The following THBD variants were observed in gnomAD, a reference collection of about 807,000 sequenced individuals.
The protein encoded by THBD is thrombomodulin, also known as CD141 antigen.
For synonymous variants in THBD, 449 were observed against 374.2 expected (o/e 1.20, Z -2.31); for missense variants, 850 against 816.9 (o/e 1.04, Z -0.49).
Position 23,049,172 on chromosome 20 carries a change from A to G in THBD, c.333T>C (p.Val111=). Residue 111 remains valine, a synonymous_variant, in exon 1 of 1, where the codon GTT becomes GTC. Coordinates refer to ENST00000377103, the MANE Select transcript of THBD (RefSeq NM_000361.3). Reference sequence around the variant, plus strand: ...TATAGCTGGTGTTGTTGTCTCCCGTAACCCACTGGAAGCCGCGCAGGGGCC... The same window carrying G: ...TATAGCTGGTGTTGTTGTCTCCCGTGACCCACTGGAAGCCGCGCAGGGGCC... The part of the protein sequence containing the change: ...RLGPLRGFQW[V]TGDNNTSYSR... 6.3e-7 allele frequency: 1 copy of G among 1,578,000 alleles called. No individual in the cohort carries two copies. The highest frequency in any genetic ancestry group is 8.6e-7 in the Non-Finnish European group (1 of 1,162,084).
At position 23,048,863 on chromosome 20, in the gene THBD, C is replaced by T. The variant is rs951221363; in HGVS notation, c.642G>A (p.Ala214=). Residue 214 remains alanine, a synonymous_variant, in exon 1 of 1, where the codon GCG becomes GCA. Coordinates refer to ENST00000377103, the MANE Select transcript of THBD (RefSeq NM_000361.3). ...TTAGCTGTAAGCCGAGGGGAGCCAC[C>T]GCGGCGGAGCTGCCCACCGGCAGCG... is the stretch of plus-strand genomic sequence containing the variant. The part of the protein sequence containing the change: ...FQALPVGSSA[A]VAPLGLQLMC... The T allele has an allele frequency of 2.0e-6, 3 of 1,502,848 alleles. No homozygotes were observed. The highest frequency in any genetic ancestry group is 2.7e-6 in the Non-Finnish European group (3 of 1,129,968). 93.1% of individuals were successfully genotyped at this position (1,502,848 alleles called of 1,614,324 possible). A position where few individuals can be genotyped will look rare whatever the true frequency, so the allele number is the denominator to read the frequency against.
At position 23,048,517 on chromosome 20, in the gene THBD, T is replaced by G; in HGVS notation, c.988A>C (p.Ile330Leu). ...TGCGGACACGGACTGGGCTCCAGTA[T>G]GCAGTCATCCACGTCCTCGCACCGG... ...QHRCEDVDDC[I>L]LEPSPCPQRC... The change falls in exon 1 of 1, where the codon ATA becomes CTA. Residue 330 changes from isoleucine to leucine, a missense_variant. Transcript: ENST00000377103. 1 of 1,605,460 alleles carries G rather than the reference T, an allele frequency of 6.2e-7. No individual in the cohort carries two copies. The highest frequency in any genetic ancestry group is 1.1e-5 in the South Asian group (1 of 91,082).
At position 23,048,128 on chromosome 20, in the gene THBD, G is replaced by T. The variant is rs748290802; in HGVS notation, c.1377C>A (p.Pro459=). 1.2e-6 allele frequency: 2 copies of T among 1,613,626 alleles called. No individual in the cohort carries two copies. The highest frequency in any genetic ancestry group is 3.3e-5 in the Admixed American group (2 of 60,028). Residue 459 remains proline, a synonymous_variant, in exon 1 of 1, where the codon CCC becomes CCA. Coordinates refer to ENST00000377103, the MANE Select transcript of THBD (RefSeq NM_000361.3). ...GFCSGVCHNL[P]GTFECICGPD... ...GCCCGCAGATGCACTCGAAGGTACC[G>T]GGGAGGTTGTGGCACACCCCGGAGC... is the stretch of plus-strand genomic sequence containing the variant.
In THBD at chr20:23,047,596, G is replaced by T; in HGVS notation, c.*181C>A. The T allele has an allele frequency of 1.4e-6, 1 of 721,516 alleles. No individual in the cohort carries two copies. Among genetic ancestry groups the T allele is most frequent in the Non-Finnish European group, 2.2e-6 (1 of 448,254 alleles). 44.7% of individuals were successfully genotyped at this position (721,516 alleles called of 1,614,324 possible). ...CAGTGACGTCACGGAAGAGGCCGAG[G>T]CTCATTCTCCTCCCTCTAATCACCC... is the stretch of plus-strand genomic sequence containing the variant. On this transcript the variant is annotated 3_prime_UTR_variant, in exon 1 of 1. Coordinates refer to ENST00000377103, the MANE Select transcript of THBD (RefSeq NM_000361.3).
chr20:23,047,774 C>G lies in THBD; in HGVS notation c.*3G>C, dbSNP rs752959310. ...CGGAGCCAGGCTCCTGGACGGAGGC[C>G]GCTCAGAGTCTCTGCGGCGTCCGCT... On this transcript the variant is annotated 3_prime_UTR_variant, in exon 1 of 1. Transcript: ENST00000377103. The G allele has an allele frequency of 1.3e-6, 2 of 1,577,302 alleles. No homozygotes were observed. The highest frequency in any genetic ancestry group is 1.8e-5 in the Admixed American group (1 of 55,362).
rs1446510538 is a variant in THBD, at chr20:23,047,418, T to C, written c.*359A>G. The C allele has an allele frequency of 3.3e-6, 1 of 299,292 alleles. No individual in the cohort carries two copies. Among genetic ancestry groups the C allele is most frequent in the Non-Finnish European group, 6.2e-6 (1 of 160,970 alleles). 18.5% of individuals were successfully genotyped at this position (299,292 alleles called of 1,614,324 possible). A position where few individuals can be genotyped will look rare whatever the true frequency, so the allele number is the denominator to read the frequency against. On this transcript the variant is annotated 3_prime_UTR_variant, in exon 1 of 1. Transcript: ENST00000377103. ...CAAAAACCTAAATACTTAAAAAAAA[T>C]AAATATTTTAGTCATCCCTAGCCCA...
rs1179346914 is a variant in THBD, at chr20:23,049,643, G to C, written c.-139C>G. 8.3e-7 allele frequency: 1 copy of C among 1,211,256 alleles called. No individual in the cohort carries two copies. The highest frequency in any genetic ancestry group is 1.3e-5 in the South Asian group (1 of 75,344). The allele number at this position is 1,211,256 out of a possible 1,614,324, so 75.0% of individuals were successfully genotyped here. A position where few individuals can be genotyped will look rare whatever the true frequency, so the allele number is the denominator to read the frequency against. Reference sequence around the variant, plus strand: ...CAGCCCAGACACTTCTTGCCGCTGCGCGCAGCCCCTGCGAGGCAGCCTCTG... The same window carrying C: ...CAGCCCAGACACTTCTTGCCGCTGCCCGCAGCCCCTGCGAGGCAGCCTCTG... On this transcript the variant is annotated 5_prime_UTR_variant, in exon 1 of 1. Coordinates refer to ENST00000377103, the MANE Select transcript of THBD (RefSeq NM_000361.3).
chr20:23,047,734 G>A lies in THBD; in HGVS notation c.*43C>T, dbSNP rs775103380. ...TGGTAGCAAAGCTGGGGGTGAGGAG[G>A]CACAGGCTCCTGGACGGAGCCAGGC... On this transcript the variant is annotated 3_prime_UTR_variant, in exon 1 of 1. Coordinates refer to ENST00000377103, the MANE Select transcript of THBD (RefSeq NM_000361.3). 21 of 1,537,288 alleles carry A rather than the reference G, an allele frequency of 1.4e-5. No homozygotes were observed. Among genetic ancestry groups the A allele is most frequent in the Non-Finnish European group, 1.7e-5 (19 of 1,141,100 alleles).
In THBD at chr20:23,047,797, G is replaced by A; in HGVS notation, c.1708C>T (p.Arg570Trp). 6.3e-7 allele frequency: 1 copy of A among 1,591,064 alleles called. No homozygotes were observed. The highest frequency in any genetic ancestry group is 8.5e-7 in the Non-Finnish European group (1 of 1,169,786). Reference sequence around the variant, plus strand: ...GCCGCTCAGAGTCTCTGCGGCGTCCGCTCGGTCCGCACGTGCTGCAGCACT... The same window carrying A: ...GCCGCTCAGAGTCTCTGCGGCGTCCACTCGGTCCGCACGTGCTGCAGCACT... ...EVVLQHVRTE[R>W]TPQRL Residue 570 changes from arginine to tryptophan, a missense_variant, in exon 1 of 1, where the codon CGG (arginine) becomes TGG (tryptophan). By Grantham distance (101) the Arg-to-Trp change is moderately radical. Transcript: ENST00000377103.
Position 23,048,662 on chromosome 20 carries a change from G to C in THBD, c.843C>G (p.Thr281=), listed in dbSNP as rs1432196644. The C allele has an allele frequency of 1.3e-6, 2 of 1,587,684 alleles. No individual in the cohort carries two copies. Residue 281 remains threonine (T), a synonymous_variant, in exon 1 of 1, where the codon ACC becomes ACG. Coordinates refer to ENST00000377103, the MANE Select transcript of THBD (RefSeq NM_000361.3). The part of the protein sequence containing the change: ...AALQADGRSC[T]ASATQSCNDL... ...CGTTGCAGGACTGCGTCGCGGATGC[G>C]GTGCAGGAGCGCCCGTCTGCCTGCA...
In THBD at chr20:23,048,174, T is replaced by C. The variant is rs375671812; in HGVS notation, c.1331A>G (p.Glu444Gly). ...GGAGCAGAAGCCGCCGTTTTCGCAC[T>C]CGTCGATGTCCGTGCAGATGAAACC... ...DDGFICTDIDECENGGFCSGV... is the reference protein window; with the variant it reads ...DDGFICTDIDGCENGGFCSGV... Residue 444 changes from glutamate to glycine, a missense_variant, in exon 1 of 1, where the codon GAG (glutamate) becomes GGG (glycine). Coordinates refer to ENST00000377103, the MANE Select transcript of THBD (RefSeq NM_000361.3). 5.0e-6 allele frequency: 8 copies of C among 1,614,004 alleles called. No homozygotes were observed. Among genetic ancestry groups the C allele is most frequent in the Non-Finnish European group, 5.1e-6 (6 of 1,180,040 alleles).
At position 23,049,144 on chromosome 20, in the gene THBD, T is replaced by A. The variant is rs771841736; in HGVS notation, c.361A>T (p.Arg121Trp). The A allele has an allele frequency of 1.3e-6, 2 of 1,589,738 alleles. No homozygotes were observed. Among genetic ancestry groups the A allele is most frequent in the Admixed American group, 3.6e-5 (2 of 55,890 alleles). Residue 121 changes from arginine (R) to tryptophan (W), a missense_variant, in exon 1 of 1, where the codon AGG becomes TGG. Transcript: ENST00000377103. ...CCATTGAGGTCGAGCCGTGCCCACC[T>A]GCTATAGCTGGTGTTGTTGTCTCCC... ...VTGDNNTSYSRWARLDLNGAP... is the reference protein window; with the variant it reads ...VTGDNNTSYSWWARLDLNGAP...
Position 23,049,385 on chromosome 20 carries a change from C to G in THBD, c.120G>C (p.Pro40=). The change falls in exon 1 of 1, where the codon CCG becomes CCC. Residue 40 remains proline (P), a synonymous_variant. Coordinates refer to ENST00000377103, the MANE Select transcript of THBD (RefSeq NM_000361.3). The part of the protein sequence containing the change: ...CVEHDCFALY[P]GPATFLNASQ... ...TGGCATTGAGGAAGGTCGCGGGGCC[C>G]GGGTAGAGCGCGAAGCAGTCGTGCT... 1 of 1,595,530 alleles carries G rather than the reference C, an allele frequency of 6.3e-7. No homozygotes were observed. The highest frequency in any genetic ancestry group is 8.5e-7 in the Non-Finnish European group (1 of 1,171,612).
At position 23,047,800 on chromosome 20, in the gene THBD, C is replaced by T. The variant is rs865948837; in HGVS notation, c.1705G>A (p.Glu569Lys). 3.1e-6 allele frequency: 5 copies of T among 1,593,010 alleles called. No homozygotes were observed. The highest frequency in any genetic ancestry group is 4.3e-6 in the Non-Finnish European group (5 of 1,170,612). The change falls in exon 1 of 1, where the codon GAG becomes AAG. Residue 569 changes from glutamate to lysine, a missense_variant. Glu to Lys is a moderately conservative substitution (Grantham distance 56, BLOSUM62 1). Coordinates refer to ENST00000377103, the MANE Select transcript of THBD (RefSeq NM_000361.3). ...GCTCAGAGTCTCTGCGGCGTCCGCT[C>T]GGTCCGCACGTGCTGCAGCACTACC... is the stretch of plus-strand genomic sequence containing the variant. The part of the protein sequence containing the change: ...KEVVLQHVRT[E>K]RTPQRL
rs764063396 is a variant in THBD at position 23,049,155 on chromosome 20, GTGT to G, written c.347_349del (p.Asn116del). 6.3e-7 allele frequency: 1 copy of G among 1,586,194 alleles called. No individual in the cohort carries two copies. ...GAGCCGTGCCCACCTGCTATAGCTG[GTGT>G]TGTTGTCTCCCGTAACCCACTGGAA... On this transcript the variant is annotated inframe_deletion, in exon 1 of 1. Transcript: ENST00000377103.
At position 23,046,610 on chromosome 20, in the gene THBD, T is replaced by G. The variant is rs528644986; in HGVS notation, c.*1167A>C. 6.6e-6 allele frequency: 1 copy of G among 152,320 alleles called. No individual in the cohort carries two copies. The highest frequency in any genetic ancestry group is 2.4e-5 in the African/African-American group (1 of 41,560). 9.4% of individuals were successfully genotyped at this position (152,320 alleles called of 1,614,324 possible). ...ATTAAGGCTAGGCCCTAATTGGGCATCCTCCAGGATCCATTCCCAAGCTCC... is the reference window on the plus strand; with the variant it reads ...ATTAAGGCTAGGCCCTAATTGGGCAGCCTCCAGGATCCATTCCCAAGCTCC... On this transcript the variant is annotated 3_prime_UTR_variant, in exon 1 of 1. Coordinates refer to ENST00000377103, the MANE Select transcript of THBD (RefSeq NM_000361.3).
chr20:23,047,796 C>T lies in THBD; in HGVS notation c.1709G>A (p.Arg570Gln), dbSNP rs1461308245. The T allele has an allele frequency of 2.5e-6, 4 of 1,590,630 alleles. No homozygotes were observed. The East Asian group carries it at 6.9e-5, about 27-fold the overall frequency. Residue 570 changes from arginine to glutamine, a missense_variant, in exon 1 of 1, where the codon CGG becomes CAG. By Grantham distance (43) the Arg-to-Gln change is conservative. Coordinates refer to ENST00000377103, the MANE Select transcript of THBD (RefSeq NM_000361.3). ...GGCCGCTCAGAGTCTCTGCGGCGTC[C>T]GCTCGGTCCGCACGTGCTGCAGCAC... ...EVVLQHVRTE[R>Q]TPQRL
In THBD at chr20:23,048,071, G is replaced by T. The variant is rs772955456; in HGVS notation, c.1434C>A (p.Thr478=). The change falls in exon 1 of 1, where the codon ACC becomes ACA. Residue 478 remains threonine, a synonymous_variant. Coordinates refer to ENST00000377103, the MANE Select transcript of THBD (RefSeq NM_000361.3). ...CGTCCACCTTGCCGGAGTCACAGTC[G>T]GTGCCAATGTGGCGGGCAAGGGCCG... ...PDSALARHIG[T]DCDSGKVDGG... is the part of the protein sequence containing the mutation. 1.2e-6 allele frequency: 2 copies of T among 1,613,216 alleles called. No homozygotes were observed. Among genetic ancestry groups the T allele is most frequent in the Non-Finnish European group, 8.5e-7 (1 of 1,179,790 alleles).
rs1415889492 is a variant in THBD, at chr20:23,046,058, C to A, written c.*1719G>T. The A allele has an allele frequency of 6.6e-6, 1 of 152,230 alleles. No individual in the cohort carries two copies. The highest frequency in any genetic ancestry group is 2.1e-4 in the South Asian group (1 of 4,824). 9.4% of individuals were successfully genotyped at this position (152,230 alleles called of 1,614,324 possible). A position where few individuals can be genotyped will look rare whatever the true frequency, so the allele number is the denominator to read the frequency against. On this transcript the variant is annotated 3_prime_UTR_variant, in exon 1 of 1. Transcript: ENST00000377103. ...CATAAGCAAGGATTTTGCCTGTGTT[C>A]TAGATTATCTCCAATAAATAAATAA...
Sources: gnomAD v4.1 joint callset for allele counts on GRCh38, gnomAD v4.1.1 for gene constraint, MANE v1.5 for transcripts, NCBI Gene and HGNC (gene_info 2026-07-23, HGNC 2026-07-21) for gene names.